The following CDC14B variants were observed in gnomAD, a reference collection of about 807,000 sequenced individuals.
CDC14B encodes the protein cell division cycle 14B.
Under a neutral mutation model 64.2 loss-of-function variants are expected in CDC14B, and 22 were observed. The ratio of observed to expected loss-of-function variants is 0.34; its 90% CI spans 0.24 to 0.49. The LOEUF (loss-of-function observed/expected upper bound fraction) is 0.49. Ranked by LOEUF, CDC14B falls within the 20% of genes least tolerant of loss-of-function variation. The probability of loss-of-function intolerance (pLI) is 0.99; values close to 1 mark genes in which losing one functional copy is unlikely to be tolerated. For missense variants in CDC14B, 498 were observed against 629.9 expected (o/e 0.79, Z 2.24); for synonymous variants, 191 against 215.8 (o/e 0.89, Z 1.01).
downstream of CDC14B, chr9:96,496,441 G>T: frequency 2.2e-6 from 1 of 449,548 alleles, no homozygotes; most frequent in East Asian, 6.9e-5. Context: ...TTGAGTTTGT[G>T]TGGACGGCAA....
chr9:96,605,871 A>AT (rs1412118270), intron 1 of CDC14B, among the ~76,000 whole-genome samples: 137 of 151,742 alleles, frequency 9.0e-4, no homozygotes, highest in African/African-American at 3.1e-3. Context: ...CAAAAAAAAA[A>AT]TTGTTTTTTT....
At chr9:96,563,277 A>G (rs1843458996) in intron 3 of CDC14B, among the ~76,000 whole-genome samples, 1 of 152,250 alleles carries the variant, frequency 6.6e-6, no homozygotes, top group South Asian at 2.1e-4. Flanking sequence ...CTGGTGATCA[A>G]GATAATCATC....
intron 5 of CDC14B, among the ~76,000 whole-genome samples, chr9:96,544,422 C>T (rs1305170349): frequency 6.6e-6 from 1 of 152,170 alleles, no homozygotes; most frequent in African/African-American, 2.4e-5. Flanking sequence ...TAGCTAAAAT[C>T]GTCTTCAATG....
At chr9:96,559,976 G>A (rs1013296203) in intron 4 of CDC14B, among the ~76,000 whole-genome samples, 2 of 152,168 alleles carry the variant, frequency 1.3e-5, no homozygotes, top group African/African-American at 2.4e-5. Context: ...CAATACATAC[G>A]TCAAGGGGTT....
chr9:96,562,462 A>G, intron 4 of CDC14B: 1 of 449,722 alleles, frequency 2.2e-6, no homozygotes, highest in Non-Finnish European at 4.0e-6. Flanking sequence ...TTTTTTCCCG[A>G]GCAGTTTTAG....
At chr9:96,595,933 A>C (rs1243619196) in intron 1 of CDC14B, among the ~76,000 whole-genome samples, 1 of 152,236 alleles carries the variant, frequency 6.6e-6, no homozygotes, top group African/African-American at 2.4e-5. Context: ...AAAAAGCTTT[A>C]AAAATATTTA....
Position 96,611,761 on chromosome 9 carries a change from CCT to C in CDC14B, c.160+7456_160+7457del, listed in dbSNP as rs1413680282. Among the ~76,000 whole-genome samples, 3 of 152,124 alleles carry C rather than the reference CCT, an allele frequency of 2.0e-5. No homozygotes were observed. In the East Asian group the frequency reaches 5.8e-4, roughly 29 times the overall value. On this transcript the variant is annotated intron_variant, in intron 1 of 13. Coordinates refer to ENST00000375241, the MANE Select transcript of CDC14B (RefSeq NM_033331.4). ...TACAAACAAAAAAACAAAAAAAGAC[CCT>C]GTCTGCCAATAATATGCACCATTAG...
intron 7 of CDC14B, among the ~76,000 whole-genome samples, chr9:96,535,666 T>C (rs935828923): frequency 6.6e-6 from 1 of 151,912 alleles, no homozygotes; most frequent in Non-Finnish European, 1.5e-5. Flanking sequence ...TAAAAATGAG[T>C]AAAAAATAAC....
At chr9:96,606,252 G>C (rs904987309) in intron 1 of CDC14B, among the ~76,000 whole-genome samples, 1 of 131,900 alleles carries the variant, frequency 7.6e-6, no homozygotes, top group Non-Finnish European at 1.5e-5. Context: ...AGAATCACTT[G>C]AACCCAGGAG....
chr9:96,495,817 C>T (rs1041168035), downstream of CDC14B, among the ~76,000 whole-genome samples: 3 of 152,096 alleles, frequency 2.0e-5, no homozygotes, highest in East Asian at 1.9e-4. Flanking sequence ...GGTGAGGCTG[C>T]GTGGGTGTTG....
At chr9:96,586,992 G>A (rs773647324) in intron 1 of CDC14B, among the ~76,000 whole-genome samples, 12 of 152,090 alleles carry the variant, frequency 7.9e-5, no homozygotes, top group South Asian at 2.1e-4. Context: ...GGCCAACACC[G>A]CGAAACCCTG....
At chr9:96,615,093 A>G (rs985534417) in intron 1 of CDC14B, among the ~76,000 whole-genome samples, 1 of 152,134 alleles carries the variant, frequency 6.6e-6, no homozygotes. Flanking sequence ...CACCCACCTC[A>G]GCCTCCCCAA....
Position 96,503,642 on chromosome 9 carries a change from G to C in CDC14B, c.*111C>G. ...TTCTCCATTGATCAACTTCTTAGGTGGAAAAAGCAACTAAGGCTTTTGCAA... is the reference window on the plus strand; with the variant it reads ...TTCTCCATTGATCAACTTCTTAGGTCGAAAAAGCAACTAAGGCTTTTGCAA... On this transcript the variant is annotated 3_prime_UTR_variant, in exon 14 of 14. Transcript: ENST00000375241. The C allele has an allele frequency of 1.1e-6, 1 of 928,354 alleles. No homozygotes were observed. The highest frequency in any genetic ancestry group is 1.5e-5 in the South Asian group (1 of 68,766). 57.5% of individuals were successfully genotyped at this position (928,354 alleles called of 1,614,324 possible).
chr9:96,567,862 G>C (rs1844201749), intron 1 of CDC14B, among the ~76,000 whole-genome samples: 1 of 152,146 alleles, frequency 6.6e-6, no homozygotes, highest in South Asian at 2.1e-4. Flanking sequence ...TAAGGGGATG[G>C]ATACCCCATT....
At chr9:96,607,413 C>CTTT (rs999912549) in intron 1 of CDC14B, among the ~76,000 whole-genome samples, 19 of 66,342 alleles carry the variant, frequency 2.9e-4, no homozygotes, top group African/African-American at 4.7e-4. Context: ...AACGTGATGT[C>CTTT]TTTTTTTTTT....
chr9:96,543,019 A>C (rs1840292365), intron 5 of CDC14B, among the ~76,000 whole-genome samples: 1 of 150,744 alleles, frequency 6.6e-6, no homozygotes, highest in African/African-American at 2.4e-5. Flanking sequence ...AAAAACAAAA[A>C]ACAAAAAACA....
chr9:96,580,147 T>A lies in CDC14B; in HGVS notation c.161-14664A>T, dbSNP rs147303462. Among the ~76,000 whole-genome samples the A allele has an allele frequency of 8.2e-3, 1,240 of 151,932 alleles. 7 individuals are homozygous for A. Among genetic ancestry groups the A allele is most frequent in the Middle Eastern group, 0.056 (16 of 288 alleles). ...TAGAAAAATGAAAATTACAAAATAA[T>A]GAAATTTCATTTCATGCCATCCAGT... On this transcript the variant is annotated intron_variant, in intron 1 of 13. Transcript: ENST00000375241.
At chr9:96,580,076 TAC>T (rs1845053266) in intron 1 of CDC14B, among the ~76,000 whole-genome samples, 1 of 151,914 alleles carries the variant, frequency 6.6e-6, no homozygotes, top group South Asian at 2.1e-4. Context: ...GAAAAATAAA[TAC>T]AGATGACCAA....
rs16911131 is a variant in CDC14B at position 96,536,573 on chromosome 9, A to C, written c.628-2031T>G. On this transcript the variant is annotated intron_variant, in intron 7 of 13. Coordinates refer to ENST00000375241, the MANE Select transcript of CDC14B (RefSeq NM_033331.4). ...TTGGCCCTAATGAATCCTACAATGT[A>C]TTCTTACATCTTTGGTACATCACAG... 5.8e-3 allele frequency among the ~76,000 whole-genome samples: 881 copies of C among 152,364 alleles called. 15 individuals are homozygous for C. The highest frequency in any genetic ancestry group is 0.052 in the Admixed American group (803 of 15,296).
Sources: allele counts gnomAD v4.1 joint callset (sites outside exome capture counted in the v4.1 genomes callset), GRCh38; gene constraint gnomAD v4.1.1; transcripts MANE v1.5; gene names NCBI Gene and HGNC (gene_info 2026-07-23, HGNC 2026-07-21).